The following TMEM132D variants were observed in gnomAD, a reference collection of about 807,000 sequenced individuals.
TMEM132D encodes transmembrane protein 132D.
A neutral mutation model predicts 62.3 loss-of-function variants in TMEM132D; 21 were observed. That is an observed-to-expected ratio of 0.34 (90% confidence interval 0.24 to 0.49). The LOEUF (loss-of-function observed/expected upper bound fraction) is 0.49, where lower values mean the gene tolerates loss of function less well. Ranked by LOEUF, TMEM132D falls within the 20% of genes least tolerant of loss-of-function variation. The probability of loss-of-function intolerance (pLI) is 0.99; values close to 1 mark genes in which losing one functional copy is unlikely to be tolerated. For missense variants in TMEM132D, 1,346 were observed against 1,402.8 expected, an observed-to-expected ratio of 0.96 and a Z score of 0.65; for synonymous variants, 621 against 575.6, an observed-to-expected ratio of 1.08 and a Z score of -1.13.
intron 1 of TMEM132D, among the ~76,000 whole-genome samples, chr12:129,812,241 C>T (rs1054747883): frequency 6.6e-6 from 1 of 151,726 alleles, no homozygotes; most frequent in African/African-American, 2.4e-5. Flanking sequence ...ATCTCTTTCT[C>T]TTCCCCCTTA....
intron 5 of TMEM132D, among the ~76,000 whole-genome samples, chr12:129,186,283 T>C (rs1171894754): frequency 1.3e-5 from 2 of 152,206 alleles, no homozygotes; most frequent in African/African-American, 4.8e-5. Flanking sequence ...CTTATCCAGG[T>C]TGGCAGCTCC....
chr12:129,344,610 G>A (rs1423741892), intron 3 of TMEM132D, among the ~76,000 whole-genome samples: 4 of 152,108 alleles, frequency 2.6e-5, no homozygotes, highest in African/African-American at 9.7e-5. Context: ...TAAGATTTAG[G>A]GGGTTGGAGG....
intron 8 of TMEM132D, among the ~76,000 whole-genome samples, chr12:129,077,370 C>T (rs1212034857): frequency 6.6e-6 from 1 of 152,174 alleles, no homozygotes; most frequent in African/African-American, 2.4e-5. Context: ...TTTCATGGGG[C>T]AAAAGAACTA....
chr12:129,892,455 T>A (rs1460402453), intron 1 of TMEM132D, among the ~76,000 whole-genome samples: 2 of 152,222 alleles, frequency 1.3e-5, no homozygotes, highest in African/African-American at 4.8e-5. Context: ...TTTTCTGGCT[T>A]GATCTGAGTG....
intron 5 of TMEM132D, among the ~76,000 whole-genome samples, chr12:129,158,377 G>C (rs1877304060): frequency 1.0e-5 from 1 of 99,764 alleles, no homozygotes; most frequent in African/African-American, 3.2e-5. Flanking sequence ...GCATGAGCAG[G>C]TTTTTGAGAA....
chr12:129,126,356 C>CTTTTT (rs747997037), intron 5 of TMEM132D, among the ~76,000 whole-genome samples: 1 of 137,820 alleles, frequency 7.3e-6, no homozygotes. Flanking sequence ...CAGTTTCTCT[C>CTTTTT]TCTTTTTTTT....
intron 2 of TMEM132D, among the ~76,000 whole-genome samples, chr12:129,637,399 G>A (rs1203271398): frequency 6.6e-6 from 1 of 152,168 alleles, no homozygotes; most frequent in Non-Finnish European, 1.5e-5. Context: ...TAATCTCAGT[G>A]TTGGAAGAGG....
chr12:129,851,586 CA>C (rs962262272), intron 1 of TMEM132D, among the ~76,000 whole-genome samples: 2 of 152,076 alleles, frequency 1.3e-5, no homozygotes, highest in African/African-American at 4.8e-5. Flanking sequence ...AAAGTGTTAG[CA>C]GTAGTAAAAT....
chr12:129,659,586 G>T (rs1399299901), intron 2 of TMEM132D, among the ~76,000 whole-genome samples: 1 of 141,622 alleles, frequency 7.1e-6, no homozygotes, highest in African/African-American at 2.6e-5. Flanking sequence ...TTCTAATAAT[G>T]AATAAACGAT....
chr12:129,272,739 C>G (rs1880887880), intron 4 of TMEM132D, among the ~76,000 whole-genome samples: 1 of 151,696 alleles, frequency 6.6e-6, no homozygotes, highest in Non-Finnish European at 1.5e-5. Context: ...AATAGCATCT[C>G]ACACTAGATA....
intron 1 of TMEM132D, among the ~76,000 whole-genome samples, chr12:129,735,368 A>T (rs1869391438): frequency 6.6e-6 from 1 of 152,208 alleles, no homozygotes; most frequent in Non-Finnish European, 1.5e-5. Context: ...TCCAATATAT[A>T]ATTGTTGAAT....
At position 129,711,334 on chromosome 12, in the gene TMEM132D, T is replaced by G. The variant is rs536256261; in HGVS notation, c.80-10636A>C. Among the ~76,000 whole-genome samples the G allele has an allele frequency of 4.6e-5, 7 of 152,312 alleles. No homozygotes were observed. In the South Asian group the frequency reaches 1.0e-3, roughly 23 times the overall value. On this transcript the variant is annotated intron_variant, in intron 1 of 8. Transcript: ENST00000422113. ...AGCTCTTGGCTCTATGTGATAAATA[T>G]ATCTAGAATCTGAACTCCTCTCCGC...
intron 4 of TMEM132D, among the ~76,000 whole-genome samples, chr12:129,224,364 T>C (rs966120230): frequency 7.2e-5 from 11 of 152,234 alleles, no homozygotes; most frequent in Middle Eastern, 3.2e-3. Flanking sequence ...GACTTCTTTT[T>C]ACTTGATACA....
At chr12:129,442,466 C>T (rs530085519) in intron 3 of TMEM132D, among the ~76,000 whole-genome samples, 3 of 152,238 alleles carry the variant, frequency 2.0e-5, no homozygotes, top group Admixed American at 2.0e-4. Context: ...CTCAAGAGTC[C>T]CGACCTCCTG....
intron 1 of TMEM132D, among the ~76,000 whole-genome samples, chr12:129,834,730 A>G (rs1243827233): frequency 6.6e-6 from 1 of 152,166 alleles, no homozygotes; most frequent in Non-Finnish European, 1.5e-5. Context: ...CCGTCCACAG[A>G]GGGCTCAGGC....
chr12:129,803,130 CGA>C (rs1373878899), intron 1 of TMEM132D, among the ~76,000 whole-genome samples: 2 of 151,488 alleles, frequency 1.3e-5, no homozygotes, highest in Admixed American at 6.6e-5. Flanking sequence ...GACAGATCAA[CGA>C]GACAGAAAGT....
At chr12:129,463,097 A>T (rs979174945) in intron 3 of TMEM132D, among the ~76,000 whole-genome samples, 2 of 152,210 alleles carry the variant, frequency 1.3e-5, no homozygotes, top group African/African-American at 4.8e-5. Context: ...AAGACAGTCT[A>T]TCAGATTGTT....
intron 2 of TMEM132D, among the ~76,000 whole-genome samples, chr12:129,692,018 C>T (rs536756752): frequency 6.6e-5 from 10 of 151,990 alleles, no homozygotes; most frequent in Admixed American, 2.0e-4. Flanking sequence ...TGAAAATTTA[C>T]GAACATTTAA....
intron 1 of TMEM132D, among the ~76,000 whole-genome samples, chr12:129,894,188 A>G (rs964396413): frequency 6.6e-6 from 1 of 152,224 alleles, no homozygotes; most frequent in South Asian, 2.1e-4. Flanking sequence ...GCAAAGGAGA[A>G]GCAAAGGCAC....
Sources: allele counts gnomAD v4.1 joint callset (sites outside exome capture counted in the v4.1 genomes callset), GRCh38; gene constraint gnomAD v4.1.1; transcripts MANE v1.5; gene names NCBI Gene and HGNC (gene_info 2026-07-23, HGNC 2026-07-21).